SLC9C2: variants seen among roughly 807,000 people sequenced by gnomAD.
SLC9C2 encodes solute carrier family 9 member C2 (putative), also known as sodium/hydrogen exchanger 11.
Under a neutral mutation model 140.2 loss-of-function variants are expected in SLC9C2, and 75 were observed. The ratio of observed to expected loss-of-function variants is 0.53; its 90% CI spans 0.44 to 0.65. The LOEUF (loss-of-function observed/expected upper bound fraction) is 0.65. SLC9C2 is among the 30% of genes least tolerant of loss of function. The pLI, the probability that SLC9C2 is intolerant of heterozygous loss-of-function variation, is 0.00. For synonymous variants in SLC9C2, 375 were observed against 420.9 expected, an observed-to-expected ratio of 0.89 and a Z score of 1.34; for missense variants, 1,074 against 1,331.8, an observed-to-expected ratio of 0.81 and a Z score of 3.01.
intron 4 of SLC9C2, among the ~76,000 whole-genome samples, chr1:173,593,956 G>C (rs559867348): frequency 6.6e-6 from 1 of 152,164 alleles, no homozygotes. Flanking sequence ...AACTGAAACT[G>C]TGGAAAGTGA....
intron 19 of SLC9C2, among the ~76,000 whole-genome samples, chr1:173,525,529 T>A (rs1226634934): frequency 6.6e-6 from 1 of 152,224 alleles, no homozygotes; most frequent in East Asian, 1.9e-4. Flanking sequence ...AAAGCATAGG[T>A]TTTAGTGTCA....
At chr1:173,534,441 G>T in intron 16 of SLC9C2, 43 bp downstream of exon 16, 1 of 1,496,266 alleles carries the variant, frequency 6.7e-7, no homozygotes, top group South Asian at 1.3e-5. Flanking sequence ...CAAAATACCT[G>T]AATTGCTCTT....
At chr1:173,536,888 C>T in intron 14 of SLC9C2, 54 bp downstream of exon 14, 1 of 1,211,620 alleles carries the variant, frequency 8.3e-7, no homozygotes, top group East Asian at 2.3e-5. Flanking sequence ...ATTCATTCTT[C>T]ATCATATAGT....
At chr1:173,535,492 A>G (rs1053440311) in intron 15 of SLC9C2, among the ~76,000 whole-genome samples, 5 of 152,210 alleles carry the variant, frequency 3.3e-5, no homozygotes, top group African/African-American at 4.8e-5. Context: ...ACAGAGCTAG[A>G]TCTAGTCTAC....
chr1:173,584,377 T>C (rs963389513), intron 5 of SLC9C2, among the ~76,000 whole-genome samples: 2 of 152,196 alleles, frequency 1.3e-5, no homozygotes, highest in Non-Finnish European at 2.9e-5. Flanking sequence ...CAAATTTCCA[T>C]CTAACATCAT....
chr1:173,584,054 C>T lies in SLC9C2; in HGVS notation c.524-432G>A, dbSNP rs906998520. Among the ~76,000 whole-genome samples the T allele has an allele frequency of 5.9e-5, 9 of 152,220 alleles. No individual in the cohort carries two copies. In the East Asian group the frequency reaches 1.2e-3, roughly 20 times the overall value. ...GTCCACACAAAGATTTGTACGTAAA[C>T]ATTCATAATAGTATTATTCATAGGA... On this transcript the variant is annotated intron_variant, in intron 5 of 27. Transcript: ENST00000367714.
chr1:173,521,280 A>G, intron 22 of SLC9C2, 21 bp downstream of exon 22: 1 of 1,374,958 alleles, frequency 7.3e-7, no homozygotes, highest in Non-Finnish European at 9.9e-7. Context: ...AAAAAAAAAA[A>G]AAAAATCAAT....
rs756425722 is a variant in SLC9C2, at chr1:173,533,670, A to G, written c.2102T>C (p.Leu701Pro). 1 of 1,611,762 alleles carries G rather than the reference A, an allele frequency of 6.2e-7. No individual in the cohort carries two copies. The highest frequency in any genetic ancestry group is 1.7e-5 in the Admixed American group (1 of 59,918). ...FVKLRPDNLA[L>P]IQLTVIMGYL... Reference sequence around the variant, plus strand: ...TCCCATTATTACTGTAAGCTGTATAAGAGCCAAGTTGTCTGGTCTCAATTT... The same window carrying G: ...TCCCATTATTACTGTAAGCTGTATAGGAGCCAAGTTGTCTGGTCTCAATTT... Residue 701 changes from leucine to proline, a missense_variant, in exon 17 of 28, where the codon CTT becomes CCT. Coordinates refer to ENST00000367714, the MANE Select transcript of SLC9C2 (RefSeq NM_178527.4).
rs1006613351 is a variant in SLC9C2, at chr1:173,537,598, GTATATATA to G, written c.1558-567_1558-560del. Among the ~76,000 whole-genome samples the G allele has an allele frequency of 6.5e-4, 45 of 69,422 alleles. No individual in the cohort carries two copies. In the East Asian group the frequency reaches 7.5e-3, roughly 12 times the overall value. The allele number at this position is 69,422 out of a possible 152,430, so 45.5% of individuals were successfully genotyped here. A position where few individuals can be genotyped will look rare whatever the true frequency, so the allele number is the denominator to read the frequency against. Reference sequence around the variant, plus strand: ...TGTGTGTGTGTATATATATGTGTGTGTATATATATGTATATATATGTATATACACACAC... The same window carrying G: ...TGTGTGTGTGTATATATATGTGTGTGTGTATATATATGTATATACACACAC... On this transcript the variant is annotated intron_variant, in intron 13 of 27. Coordinates refer to ENST00000367714, the MANE Select transcript of SLC9C2 (RefSeq NM_178527.4).
At chr1:173,558,163 T>C (rs562550548) in intron 9 of SLC9C2, among the ~76,000 whole-genome samples, 26 of 152,288 alleles carry the variant, frequency 1.7e-4, no homozygotes, top group Middle Eastern at 6.8e-3. Context: ...AGATGTGTTC[T>C]TAGCCTCAAA....
Position 173,524,042 on chromosome 1 carries a change from G to T in SLC9C2, c.2567C>A (p.Pro856His). The change falls in exon 21 of 28, where the codon CCC (proline) becomes CAC (histidine). Residue 856 changes from proline (P) to histidine (H), a missense_variant. Transcript: ENST00000367714. ...ALNNFPKAIPPPTPDIYLHNI... is the reference protein window; with the variant it reads ...ALNNFPKAIPHPTPDIYLHNI... ...GTGAAGGTATATGTCAGGAGTTGGG[G>T]GTGGGATTGCCTTTGGAAAGTTATT... 6.2e-7 allele frequency: 1 copy of T among 1,613,454 alleles called. No homozygotes were observed. The highest frequency in any genetic ancestry group is 1.1e-5 in the South Asian group (1 of 90,936).
chr1:173,553,513 C>T (rs1663463437), intron 11 of SLC9C2, among the ~76,000 whole-genome samples: 1 of 152,212 alleles, frequency 6.6e-6, no homozygotes, highest in Admixed American at 6.5e-5. Context: ...GCAACCACCA[C>T]CCTGATCTGA....
At chr1:173,566,708 T>C (rs1032272811) in intron 9 of SLC9C2, among the ~76,000 whole-genome samples, 1 of 151,866 alleles carries the variant, frequency 6.6e-6, no homozygotes, top group African/African-American at 2.4e-5. Flanking sequence ...TTTCTTTTCA[T>C]CTACCAATTT....
At chr1:173,525,015 C>T in intron 19 of SLC9C2, 88 bp from the exon 20 acceptor site, 1 of 1,329,730 alleles carries the variant, frequency 7.5e-7, no homozygotes, top group Non-Finnish European at 1.0e-6. Context: ...ATTTCCAAAG[C>T]ATTTACACAA....
chr1:173,520,203 G>GATT (rs1224440718), intron 22 of SLC9C2, among the ~76,000 whole-genome samples: 1 of 152,122 alleles, frequency 6.6e-6, no homozygotes, highest in African/African-American at 2.4e-5. Context: ...GAGTAGCTGG[G>GATT]ATTATAGACA....
Position 173,589,939 on chromosome 1 carries a change from G to A in SLC9C2, c.358-2109C>T, listed in dbSNP as rs906478786. Among the ~76,000 whole-genome samples the A allele has an allele frequency of 7.9e-5, 12 of 152,148 alleles. No individual in the cohort carries two copies. In the East Asian group the frequency reaches 2.1e-3, roughly 27 times the overall value. On this transcript the variant is annotated intron_variant, in intron 4 of 27. Coordinates refer to ENST00000367714, the MANE Select transcript of SLC9C2 (RefSeq NM_178527.4). ...ATGATGGAAAATCTACAACTAATGG[G>A]AATTTAAGAATGAAATAACAAGGCC...
intron 12 of SLC9C2, 124 bp downstream of exon 12, chr1:173,548,265 A>C: frequency 2.1e-6 from 2 of 959,964 alleles, no homozygotes; most frequent in Non-Finnish European, 3.1e-6. Context: ...CAAAGCCAGT[A>C]ACTATCTCCC....
intron 9 of SLC9C2, among the ~76,000 whole-genome samples, chr1:173,559,588 G>A (rs555423338): frequency 4.1e-4 from 62 of 152,306 alleles, no homozygotes; most frequent in African/African-American, 1.5e-3. Flanking sequence ...AGGTTTGAGT[G>A]GTCTCCCATG....
At chr1:173,554,209 G>A (rs1189576284) in intron 11 of SLC9C2, among the ~76,000 whole-genome samples, 3 of 152,074 alleles carry the variant, frequency 2.0e-5, no homozygotes, top group Admixed American at 6.6e-5. Context: ...ATGATATTTC[G>A]CAGCTTCCCT....
Sources: gnomAD v4.1 joint callset for allele counts (sites outside exome capture counted in the v4.1 genomes callset) on GRCh38, gnomAD v4.1.1 for gene constraint, MANE v1.5 for transcripts, NCBI Gene and HGNC (gene_info 2026-07-23, HGNC 2026-07-21) for gene names.